Variants in RBFOX1 observed in about 807,000 individuals in gnomAD.
RBFOX1 encodes RNA binding fox-1 homolog 1.
A neutral mutation model predicts 57.7 loss-of-function variants in RBFOX1; 8 were observed. The observed-to-expected ratio is 0.14, with a 90% CI of 0.08 to 0.25. The LOEUF (loss-of-function observed/expected upper bound fraction) is 0.25. Ranked by LOEUF, RBFOX1 falls within the 10% of genes least tolerant of loss-of-function variation. The probability of loss-of-function intolerance (pLI) is 1.00; values close to 1 mark genes in which losing one functional copy is unlikely to be tolerated. For missense variants in RBFOX1, 611 were observed against 548.5 expected, an observed-to-expected ratio of 1.11 and a Z score of -1.14; for synonymous variants, 326 against 222.4, an observed-to-expected ratio of 1.47 and a Z score of -4.15.
intron 1 of RBFOX1, among the ~76,000 whole-genome samples, chr16:6,173,273 G>T (rs771224474): frequency 1.3e-5 from 2 of 152,138 alleles, no homozygotes; most frequent in Non-Finnish European, 2.9e-5. Context: ...CCAGAATAGT[G>T]CTTGACAGGA....
At chr16:5,749,288 G>T (rs142101511) in intron 3 of RBFOX1, among the ~76,000 whole-genome samples, 3,821 of 152,166 alleles carry the variant, frequency 0.025, 76 homozygotes, top group Non-Finnish European at 0.041. Context: ...CTCTCTGGCT[G>T]CCCTTAACAT....
At chr16:6,328,286 T>A (rs2082605213) in intron 2 of RBFOX1, among the ~76,000 whole-genome samples, 1 of 151,600 alleles carries the variant, frequency 6.6e-6, no homozygotes, top group Non-Finnish European at 1.5e-5. Flanking sequence ...GGGGAAAGGG[T>A]GGGAGGGGGA....
At chr16:5,445,008 CT>C (rs372277665) in intron 1 of RBFOX1, among the ~76,000 whole-genome samples, 17 of 152,304 alleles carry the variant, frequency 1.1e-4, no homozygotes, top group African/African-American at 3.8e-4. Context: ...CCTCCTCCTC[CT>C]TCTGTTTTTC....
Position 6,565,103 on chromosome 16 carries a change from C to G in RBFOX1, c.-63-89500C>G, listed in dbSNP as rs76082903. ...CAGAGATTGCATCACTGCACTCCAG[C>G]CTGGGTGGGGAGACTCTGTCTCCAA... On this transcript the variant is annotated intron_variant, in intron 2 of 15. Coordinates refer to ENST00000550418, the MANE Select transcript of RBFOX1 (RefSeq NM_018723.4). Among the ~76,000 whole-genome samples the G allele has an allele frequency of 3.2e-3, 462 of 144,008 alleles. 4 individuals carry two copies. Among genetic ancestry groups the G allele is most frequent in the African/African-American group, 0.011 (444 of 38,916 alleles). 94.5% of individuals were successfully genotyped at this position (144,008 alleles called of 152,430 possible).
chr16:6,980,194 A>G (rs567701326), intron 3 of RBFOX1, among the ~76,000 whole-genome samples: 23 of 152,310 alleles, frequency 1.5e-4, no homozygotes, highest in African/African-American at 5.3e-4. Flanking sequence ...TTTGCATCCA[A>G]AAGCAATTCT....
At chr16:7,207,699 T>C (rs1162531540) in intron 4 of RBFOX1, among the ~76,000 whole-genome samples, 1 of 152,184 alleles carries the variant, frequency 6.6e-6, no homozygotes, top group East Asian at 1.9e-4. Flanking sequence ...ATGCAACAAC[T>C]GTGGAGCTAC....
intron 1 of RBFOX1, among the ~76,000 whole-genome samples, chr16:5,431,134 T>C (rs2067720505): frequency 6.6e-6 from 1 of 152,326 alleles, no homozygotes. Flanking sequence ...GCAGTCACCC[T>C]GAGTGTGACA....
At chr16:6,982,484 G>T (rs548783728) in intron 3 of RBFOX1, among the ~76,000 whole-genome samples, 1 of 152,108 alleles carries the variant, frequency 6.6e-6, no homozygotes, top group Admixed American at 6.6e-5. Context: ...CATGAGAGTC[G>T]TTGACGAGGT....
At chr16:6,795,696 G>C (rs1400668659) in intron 3 of RBFOX1, among the ~76,000 whole-genome samples, 2 of 151,606 alleles carry the variant, frequency 1.3e-5, no homozygotes, top group African/African-American at 4.9e-5. Context: ...AAACCAGAAG[G>C]CAGAGGTTGC....
At chr16:6,895,797 C>T (rs1280928107) in intron 3 of RBFOX1, among the ~76,000 whole-genome samples, 2 of 151,898 alleles carry the variant, frequency 1.3e-5, no homozygotes, top group Non-Finnish European at 1.5e-5. Flanking sequence ...TGCCACTTCC[C>T]GAATGTGAGA....
At chr16:7,170,809 G>A (rs1038694468) in intron 4 of RBFOX1, among the ~76,000 whole-genome samples, 2 of 152,170 alleles carry the variant, frequency 1.3e-5, no homozygotes, top group African/African-American at 4.8e-5. Flanking sequence ...GGTGGTGACA[G>A]AGCTTCCACT....
intron 4 of RBFOX1, among the ~76,000 whole-genome samples, chr16:7,375,510 T>C (rs1045896498): frequency 1.3e-5 from 2 of 151,936 alleles, no homozygotes; most frequent in African/African-American, 4.8e-5. Context: ...TTTTTTGTTT[T>C]TTTTTTTTTT....
intron 5 of RBFOX1, among the ~76,000 whole-genome samples, chr16:7,548,201 C>G (rs2085173907): frequency 6.6e-6 from 1 of 152,134 alleles, no homozygotes; most frequent in South Asian, 2.1e-4. Flanking sequence ...GACAGAGAGT[C>G]CCATCTGTCA....
rs927290875 is a variant in RBFOX1, at chr16:6,334,139, A to G, written c.-64+17082A>G. Among the ~76,000 whole-genome samples, 3 of 152,150 alleles carry G rather than the reference A, an allele frequency of 2.0e-5. 1 individual carries two copies. Among genetic ancestry groups the G allele is most frequent in the African/African-American group, 7.2e-5 (3 of 41,442 alleles). Reference sequence around the variant, plus strand: ...TAAGTATTACTTTAGGGTTATTGAGAGATGCCGGCTAGTGGTACTTGGAAA... The same window carrying G: ...TAAGTATTACTTTAGGGTTATTGAGGGATGCCGGCTAGTGGTACTTGGAAA... On this transcript the variant is annotated intron_variant, in intron 2 of 15. Coordinates refer to ENST00000550418, the MANE Select transcript of RBFOX1 (RefSeq NM_018723.4).
At chr16:6,617,890 G>A (rs142445206) in intron 2 of RBFOX1, among the ~76,000 whole-genome samples, 1 of 152,292 alleles carries the variant, frequency 6.6e-6, no homozygotes, top group Non-Finnish European at 1.5e-5. Flanking sequence ...AGGTCTAGAA[G>A]TGTCTGGGGG....
rs142375578 is a variant in RBFOX1, at chr16:5,757,411, T to C, written c.319-109892T>C. 8.3e-4 allele frequency among the ~76,000 whole-genome samples: 127 copies of C among 152,152 alleles called. 2 individuals are homozygous for C. In the East Asian group the frequency reaches 0.023, roughly 28 times the overall value. On this transcript the variant is annotated intron_variant, in intron 3 of 19. Transcript: ENST00000641259. ...CACACCCAGCTAATTTTTGTATTTT[T>C]AGTAGAGACGGGGTTTCACCATTTT...
At chr16:7,504,755 T>TTATATATATATATATTTA (rs1232804565) in intron 4 of RBFOX1, among the ~76,000 whole-genome samples, 4 of 9,994 alleles carry the variant, frequency 4.0e-4, no homozygotes, top group African/African-American at 2.0e-3. Context: ...ATATATATAT[T>TTATATATATATATATTTA]TATATATATA....
chr16:7,245,181 CCTAA>C (rs1165701222), intron 4 of RBFOX1, among the ~76,000 whole-genome samples: 1 of 152,088 alleles, frequency 6.6e-6, no homozygotes, highest in African/African-American at 2.4e-5. Flanking sequence ...CTCTCTAGAT[CCTAA>C]CTAAAATAAT....
chr16:5,691,983 C>T (rs955294629), intron 3 of RBFOX1, among the ~76,000 whole-genome samples: 2 of 151,330 alleles, frequency 1.3e-5, no homozygotes, highest in African/African-American at 4.9e-5. Flanking sequence ...ACATTCTTCA[C>T]CTCTGCTAAG....
Sources: gnomAD v4.1 joint callset for allele counts (sites outside exome capture counted in the v4.1 genomes callset) on GRCh38, gnomAD v4.1.1 for gene constraint, MANE v1.5 for transcripts, NCBI Gene and HGNC (gene_info 2026-07-23, HGNC 2026-07-21) for gene names.